EFCAB8: variants seen among roughly 807,000 people sequenced by gnomAD.
EFCAB8 encodes the protein EF-hand calcium binding domain 8.
In EFCAB8, 100 loss-of-function variants were observed where a neutral mutation model predicts 116.3. The ratio of observed to expected loss-of-function variants is 0.86; its 90% confidence interval spans 0.73 to 1.02. The LOEUF (loss-of-function observed/expected upper bound fraction) is 1.02, where lower values mean the gene tolerates loss of function less well. EFCAB8 is among the 50% of genes least tolerant of loss of function. The probability of loss-of-function intolerance (pLI) is 0.00; values close to 1 mark genes in which losing one functional copy is unlikely to be tolerated. For synonymous variants in EFCAB8, 558 were observed against 567.9 expected (o/e 0.98, Z 0.25); for missense variants, 1,320 against 1,416.9 (o/e 0.93, Z 1.10).
At chr20:32,875,051 G>T (rs546191964) in intron 3 of EFCAB8, among the ~76,000 whole-genome samples, 9 of 152,212 alleles carry the variant, frequency 5.9e-5, no homozygotes, top group African/African-American at 2.2e-4. Flanking sequence ...GCCTGGCCTG[G>T]TTCTCCTTTT....
rs1411328266 is a variant in EFCAB8, at chr20:32,861,958, C to A, written c.-10-1825C>A. Reference sequence around the variant, plus strand: ...TACACTTTAGTTTTTTCACTGGTAACCTCTTAATTGCCTTTTTCAGTGGCT... The same window carrying A: ...TACACTTTAGTTTTTTCACTGGTAAACTCTTAATTGCCTTTTTCAGTGGCT... On this transcript the variant is annotated intron_variant, in intron 1 of 26. Transcript: ENST00000400522. 2.0e-5 allele frequency among the ~76,000 whole-genome samples: 3 copies of A among 151,842 alleles called. No homozygotes were observed. In the East Asian group the frequency reaches 5.8e-4, roughly 29 times the overall value.
chr20:32,922,471 A>G (rs1445287857), intron 20 of EFCAB8, among the ~76,000 whole-genome samples: 1 of 152,202 alleles, frequency 6.6e-6, no homozygotes, highest in Non-Finnish European at 1.5e-5. Flanking sequence ...TGAATGAAAG[A>G]TATCAAGCCC....
At chr20:32,899,273 T>C (rs1262841604) in intron 11 of EFCAB8, among the ~76,000 whole-genome samples, 1 of 150,668 alleles carries the variant, frequency 6.6e-6, no homozygotes, top group East Asian at 2.0e-4. Flanking sequence ...GGCGTGGTGG[T>C]AAGCACCTGT....
chr20:32,912,756 A>G (rs762571097), intron 16 of EFCAB8, 38 bp from the exon 17 acceptor site: 13 of 717,716 alleles, frequency 1.8e-5, no homozygotes, highest in African/African-American at 1.0e-4. Context: ...ATTTTCTCTG[A>G]TAAGTTTTCT....
chr20:32,951,705 G>A (rs1272946215), intron 23 of EFCAB8, among the ~76,000 whole-genome samples: 1 of 152,046 alleles, frequency 6.6e-6, no homozygotes, highest in East Asian at 1.9e-4. Flanking sequence ...GGTTTATAGT[G>A]GTATCTTACT....
intron 10 of EFCAB8, 111 bp downstream of exon 10, chr20:32,896,638 G>A: frequency 1.5e-6 from 1 of 654,200 alleles, no homozygotes. Flanking sequence ...CTTAGCCCTT[G>A]GGGTTTGGTC....
At chr20:32,917,533 C>T in intron 18 of EFCAB8, 28 bp downstream of exon 18, 1 of 1,547,174 alleles carries the variant, frequency 6.5e-7, no homozygotes, top group Non-Finnish European at 8.7e-7. Flanking sequence ...CACTCTCCTC[C>T]CACCCTTCTC....
At chr20:32,867,517 G>A (rs971054453) in intron 2 of EFCAB8, 65 bp from the exon 3 acceptor site, 158 of 1,500,316 alleles carry the variant, frequency 1.1e-4, no homozygotes, top group Non-Finnish European at 1.3e-4. Flanking sequence ...TAAATCATGT[G>A]CTGAAAATGT....
In EFCAB8 at chr20:32,906,996, TCCGCC is replaced by T; in HGVS notation, c.1308+6_1308+10del. 5.3e-6 allele frequency: 8 copies of T among 1,504,770 alleles called. No homozygotes were observed. Among genetic ancestry groups the T allele is most frequent in the Non-Finnish European group, 6.2e-6 (7 of 1,122,138 alleles). 93.2% of individuals were successfully genotyped at this position (1,504,770 alleles called of 1,614,324 possible). On this transcript the variant is annotated splice_donor_5th_base_variant and intron_variant, in intron 13 of 26. Coordinates refer to ENST00000400522, the MANE Select transcript of EFCAB8 (RefSeq NM_001143967.2). ...CTCATCAGTGTCTCCAAGGACAAGG[TCCGCC>T]CCGACGGTCCGCCTGACTCCTTCTG...
intron 2 of EFCAB8, among the ~76,000 whole-genome samples, chr20:32,866,796 C>T (rs1478111328): frequency 1.4e-5 from 2 of 138,140 alleles, no homozygotes; most frequent in African/African-American, 5.5e-5. Context: ...TCCTTCCTTC[C>T]CTCCCTCCCT....
At chr20:32,904,603 C>CTT (rs35810642) in intron 11 of EFCAB8, among the ~76,000 whole-genome samples, 39 of 96,316 alleles carry the variant, frequency 4.0e-4, no homozygotes, top group African/African-American at 3.9e-4. Flanking sequence ...CTGAATGGAG[C>CTT]TTTTTTTTTT....
chr20:32,862,342 G>C (rs1984157166), intron 1 of EFCAB8, among the ~76,000 whole-genome samples: 1 of 151,644 alleles, frequency 6.6e-6, no homozygotes, highest in African/African-American at 2.4e-5. Context: ...TGCCCAGGCT[G>C]GTCTCAAACT....
Position 32,893,179 on chromosome 20 carries a change from A to G in EFCAB8, c.764A>G (p.Asp255Gly). ...CCGTCTCCATCTTTCTGCAGGTCTG[A>G]CTATCACAGAGGTGTGTTCTGCTAT... ...SCALVMDYWS[D>G]YHRGVFCYGD... Residue 255 changes from aspartate to glycine, a missense_variant, in exon 9 of 27, where the codon GAC becomes GGC. Coordinates refer to ENST00000400522, the MANE Select transcript of EFCAB8 (RefSeq NM_001143967.2). 1.9e-6 allele frequency: 3 copies of G among 1,551,820 alleles called. No individual in the cohort carries two copies. Among genetic ancestry groups the G allele is most frequent in the Non-Finnish European group, 2.6e-6 (3 of 1,146,990 alleles).
Position 32,961,531 on chromosome 20 carries a change from C to T in EFCAB8, c.3789C>T (p.Ser1263=). 1 of 1,414,988 alleles carries T rather than the reference C, an allele frequency of 7.1e-7. No homozygotes were observed. Among genetic ancestry groups the T allele is most frequent in the Admixed American group, 3.2e-5 (1 of 31,430 alleles). 87.7% of individuals were successfully genotyped at this position (1,414,988 alleles called of 1,614,324 possible). The stretch of plus-strand genomic sequence containing the variant: ...CAGTGACCCCCAAGCACATTGTCTC[C>T]TCCTTCGAGCGGCCCCCAAGGCCTC... ...QGSVTPKHIV[S]SFERPPRPLK... The change falls in exon 27 of 27, where the codon TCC becomes TCT. Residue 1263 remains serine (S), a synonymous_variant. Coordinates refer to ENST00000400522, the MANE Select transcript of EFCAB8 (RefSeq NM_001143967.2).
At chr20:32,870,252 A>G (rs1311845289) in intron 3 of EFCAB8, among the ~76,000 whole-genome samples, 1 of 152,180 alleles carries the variant, frequency 6.6e-6, no homozygotes, top group East Asian at 1.9e-4. Flanking sequence ...GCAGCCAGGA[A>G]GTGCCACCAC....
At chr20:32,920,979 C>T (rs542797183) in intron 20 of EFCAB8, among the ~76,000 whole-genome samples, 9 of 152,102 alleles carry the variant, frequency 5.9e-5, no homozygotes, top group Admixed American at 1.3e-4. Context: ...TGTACCTTCC[C>T]CTTTCTGACC....
chr20:32,945,152 TTTA>T (rs934084319), intron 23 of EFCAB8, among the ~76,000 whole-genome samples: 4 of 151,884 alleles, frequency 2.6e-5, no homozygotes, highest in East Asian at 1.9e-4. Context: ...TTCTGTTATT[TTTA>T]TTATTATTAT....
At chr20:32,873,481 G>A (rs1383726342) in intron 3 of EFCAB8, among the ~76,000 whole-genome samples, 1 of 152,008 alleles carries the variant, frequency 6.6e-6, no homozygotes, top group African/African-American at 2.4e-5. Context: ...GCCAGCACGT[G>A]GAGAATTTTC....
intron 10 of EFCAB8, 47 bp from the exon 11 acceptor site, chr20:32,898,446 A>G (rs1986269017): frequency 1.4e-6 from 1 of 703,092 alleles, no homozygotes; most frequent in Non-Finnish European, 2.7e-6. Context: ...TGGGCCTAGA[A>G]AGTTGTCCTT....
Sources: gnomAD v4.1 joint callset for allele counts (sites outside exome capture counted in the v4.1 genomes callset) on GRCh38, gnomAD v4.1.1 for gene constraint, MANE v1.5 for transcripts, NCBI Gene and HGNC (gene_info 2026-07-23, HGNC 2026-07-21) for gene names.